HEATR4: variants seen among roughly 807,000 people sequenced by gnomAD.
HEATR4 encodes the protein HEAT repeat-containing protein 4.
A neutral mutation model predicts 108.8 loss-of-function variants in HEATR4; 95 were observed. The ratio of observed to expected loss-of-function variants is 0.87; its 90% CI spans 0.74 to 1.04. The LOEUF (loss-of-function observed/expected upper bound fraction) is 1.04. HEATR4 is among the 50% of genes least tolerant of loss of function. The pLI, the probability that HEATR4 is intolerant of heterozygous loss-of-function variation, is 0.00. For synonymous variants in HEATR4, 443 were observed against 459.4 expected (o/e 0.96, Z 0.46); for missense variants, 1,152 against 1,253.8 (o/e 0.92, Z 1.23).
At chr14:73,583,170 C>T in the HEATR4 span, among the ~76,000 whole-genome samples, 7 of 151,932 alleles carry the variant, frequency 4.6e-5, no homozygotes, top group Non-Finnish European at 4.4e-5. Flanking sequence ...AGTGAAACAC[C>T]GTCTGTACTA....
chr14:73,502,088 C>G (rs1004492013), intron 11 of HEATR4, among the ~76,000 whole-genome samples: 1 of 144,882 alleles, frequency 6.9e-6, no homozygotes, highest in African/African-American at 2.6e-5. Context: ...GAGGCAAGGT[C>G]TTGCTATGTT....
chr14:73,504,343 C>T (rs549658927), intron 10 of HEATR4, among the ~76,000 whole-genome samples: 4 of 151,968 alleles, frequency 2.6e-5, no homozygotes, highest in African/African-American at 9.6e-5. Context: ...CCTGGGATCA[C>T]GCCATTCTCC....
chr14:73,624,650 T>C, the HEATR4 span, among the ~76,000 whole-genome samples: 1 of 152,190 alleles, frequency 6.6e-6, no homozygotes, highest in Non-Finnish European at 1.5e-5. Context: ...CTCTTCTTTA[T>C]AGCAACACAA....
chr14:73,528,007 A>G (rs58083582), intron 2 of HEATR4, among the ~76,000 whole-genome samples: 8,560 of 150,168 alleles, frequency 0.057, 278 homozygotes, highest in Middle Eastern at 0.1. Context: ...GGATGTCCCC[A>G]GATAAATGCC....
intron 17 of HEATR4, among the ~76,000 whole-genome samples, chr14:73,483,239 T>G (rs1276167120): frequency 6.6e-6 from 1 of 152,160 alleles, no homozygotes; most frequent in Non-Finnish European, 1.5e-5. Context: ...AGTATACTAA[T>G]AATAATTGTA....
intron 12 of HEATR4, 107 bp downstream of exon 12, chr14:73,500,443 C>G (rs1194793109): frequency 8.2e-7 from 1 of 1,215,634 alleles, no homozygotes; most frequent in Non-Finnish European, 1.2e-6. Context: ...GTTCCAATCT[C>G]TCATTCTGTG....
At position 73,496,619 on chromosome 14, in the gene HEATR4, A is replaced by G. The variant is rs1286249589; in HGVS notation, c.2607T>C (p.Leu869=). 1.2e-6 allele frequency: 2 copies of G among 1,602,860 alleles called. No homozygotes were observed. Among genetic ancestry groups the G allele is most frequent in the South Asian group, 1.1e-5 (1 of 90,810 alleles). ...TATTTACCCTGTTCTTGATCTCCTG[A>G]AGCATTTCTTGGTTTCCTTCATTTC... ...NLGNEGNQEM[L]QEIKNRIKTL... The change falls in exon 15 of 18, where the codon CTT becomes CTC. Residue 869 remains leucine (L), a synonymous_variant. Coordinates refer to ENST00000553558, the MANE Select transcript of HEATR4 (RefSeq NM_001220484.1).
At position 73,494,495 on chromosome 14, in the gene HEATR4, A is replaced by G. The variant is rs557167581; in HGVS notation, c.2785+733T>C. On this transcript the variant is annotated intron_variant, in intron 16 of 17. Coordinates refer to ENST00000553558, the MANE Select transcript of HEATR4 (RefSeq NM_001220484.1). ...ACAAAAGCATAGACATACACTAAGT[A>G]AAAATGATAGTTCTCCCTCCAACCC... 3.9e-5 allele frequency among the ~76,000 whole-genome samples: 6 copies of G among 152,326 alleles called. No homozygotes were observed. The South Asian group carries it at 1.0e-3, about 26-fold the overall frequency.
the HEATR4 span, chr14:73,592,175 C>A: frequency 1.2e-6 from 2 of 1,605,086 alleles, no homozygotes; most frequent in South Asian, 1.1e-5. Flanking sequence ...GCGGCAGCTT[C>A]GCGGGACTCG....
At chr14:73,596,850 C>T in the HEATR4 span, among the ~76,000 whole-genome samples, 2 of 152,082 alleles carry the variant, frequency 1.3e-5, no homozygotes, top group African/African-American at 2.4e-5. Context: ...CCACCTGCCT[C>T]GGTCTCCCAA....
At chr14:73,617,124 G>A in the HEATR4 span, 75 of 1,611,808 alleles carry the variant, frequency 4.7e-5, no homozygotes, top group East Asian at 1.3e-4. Flanking sequence ...AGACCTCCCC[G>A]AAGATCTGAA....
At chr14:73,616,813 A>G in the HEATR4 span, 1 of 541,288 alleles carries the variant, frequency 1.8e-6, no homozygotes, top group Non-Finnish European at 3.3e-6. Flanking sequence ...AGTAGTATAC[A>G]TTGTACCCAA....
chr14:73,592,122 G>A, the HEATR4 span: 4 of 1,553,604 alleles, frequency 2.6e-6, no homozygotes, highest in Non-Finnish European at 3.5e-6. Flanking sequence ...CTACTGCGCC[G>A]ACGCCCGCGG....
chr14:73,608,027 C>T, the HEATR4 span, among the ~76,000 whole-genome samples: 7 of 152,110 alleles, frequency 4.6e-5, no homozygotes, highest in South Asian at 6.2e-4. Context: ...TGGGTTCAAG[C>T]GATTCGCCTG....
intron 17 of HEATR4, among the ~76,000 whole-genome samples, chr14:73,483,890 G>T (rs963232308): frequency 1.2e-4 from 18 of 151,340 alleles, no homozygotes; most frequent in African/African-American, 3.9e-4. Flanking sequence ...TCTCATCTCT[G>T]TCACCCAGGC....
intron 5 of HEATR4, among the ~76,000 whole-genome samples, chr14:73,515,116 A>G (rs1273983078): frequency 2.0e-5 from 3 of 152,174 alleles, no homozygotes; most frequent in Non-Finnish European, 2.9e-5. Flanking sequence ...TCTGAACTTA[A>G]TGTTTTTCAT....
chr14:73,510,835 G>T (rs577577398), intron 7 of HEATR4, among the ~76,000 whole-genome samples: 1 of 152,142 alleles, frequency 6.6e-6, no homozygotes, highest in Non-Finnish European at 1.5e-5. Flanking sequence ...TGCTTTACAG[G>T]AACTAATATC....
chr14:73,480,507 CTTA>C (rs1285263006), intron 17 of HEATR4, among the ~76,000 whole-genome samples: 3 of 151,792 alleles, frequency 2.0e-5, no homozygotes, highest in African/African-American at 7.3e-5. Context: ...AAGATTTATT[CTTA>C]TATTTGTTAT....
the HEATR4 span, among the ~76,000 whole-genome samples, chr14:73,597,120 G>C: frequency 5.3e-5 from 8 of 150,600 alleles, no homozygotes; most frequent in Admixed American, 1.3e-4. Flanking sequence ...GTCTGGCTCT[G>C]TCACCCAGGC....
Sources: gnomAD v4.1 joint callset for allele counts (sites outside exome capture counted in the v4.1 genomes callset) on GRCh38, gnomAD v4.1.1 for gene constraint, MANE v1.5 for transcripts, NCBI Gene and HGNC (gene_info 2026-07-23, HGNC 2026-07-21) for gene names.